Variants in APOL4 observed in about 807,000 individuals in gnomAD.
APOL4 encodes the protein apolipoprotein L4.
Under a neutral mutation model 12.1 loss-of-function variants are expected in APOL4, and 14 were observed. The observed-to-expected ratio is 1.16, with a 90% confidence interval of 0.76 to 1.81. The LOEUF is 1.81. Ranked by LOEUF, APOL4 falls within the 40% of genes most tolerant of loss-of-function variation. The pLI, the probability that APOL4 is intolerant of heterozygous loss-of-function variation, is 0.00. For synonymous variants in APOL4, 171 were observed against 160.6 expected, an observed-to-expected ratio of 1.06 and a Z score of -0.49; for missense variants, 432 against 423.1, an observed-to-expected ratio of 1.02 and a Z score of -0.18.
chr22:36,194,933 T>C (rs2014361176), intron 3 of APOL4, among the ~76,000 whole-genome samples: 1 of 152,246 alleles, frequency 6.6e-6, no homozygotes, highest in Non-Finnish European at 1.5e-5. Flanking sequence ...TTGTAAAAGG[T>C]AACGCTAACT....
At chr22:36,200,323 C>T (rs544012019) in intron 1 of APOL4, among the ~76,000 whole-genome samples, 6 of 152,326 alleles carry the variant, frequency 3.9e-5, no homozygotes, top group African/African-American at 1.4e-4. Flanking sequence ...CATGTATACA[C>T]GCTCATGGTA....
intron 3 of APOL4, among the ~76,000 whole-genome samples, chr22:36,192,996 C>A (rs1412531638): frequency 6.6e-6 from 1 of 152,318 alleles, no homozygotes; most frequent in Admixed American, 6.5e-5. Flanking sequence ...GCCTTCCATG[C>A]CCATCCCGTG....
intron 1 of APOL4, among the ~76,000 whole-genome samples, chr22:36,200,290 C>G (rs1294037666): frequency 6.6e-6 from 1 of 152,188 alleles, no homozygotes; most frequent in African/African-American, 2.4e-5. Context: ...GTGCTCTACT[C>G]CCTTAAATAT....
chr22:36,201,356 C>A (rs1359241390), intron 1 of APOL4, among the ~76,000 whole-genome samples: 1 of 150,476 alleles, frequency 6.6e-6, no homozygotes, highest in Non-Finnish European at 1.5e-5. Flanking sequence ...CTAAAGCCCC[C>A]TCCTCAAAAG....
chr22:36,195,342 T>C lies in APOL4; in HGVS notation c.178A>G (p.Lys60Glu), dbSNP rs1444582176. 40 of 1,613,800 alleles carry C rather than the reference T, an allele frequency of 2.5e-5. No individual in the cohort carries two copies. The highest frequency in any genetic ancestry group is 3.3e-5 in the Admixed American group (2 of 60,004). The change falls in exon 3 of 4, where the codon AAG becomes GAG. Residue 60 changes from lysine to glutamate, a missense_variant. Transcript: ENST00000683024. The stretch of plus-strand genomic sequence containing the variant: ...AATTCAGCCACACGCACAAATCTCT[T>C]CCAGGCTTCATCGCTAGTCAGCAGG... ...KILLTSDEAW[K>E]RFVRVAELPR...
chr22:36,195,613 C>T (rs1241665605), intron 2 of APOL4, among the ~76,000 whole-genome samples, 176 bp from the exon 3 acceptor site: 1 of 152,128 alleles, frequency 6.6e-6, no homozygotes, highest in African/African-American at 2.4e-5. Context: ...AATACTGAGG[C>T]TCTAAACCCC....
rs1056219233 is a variant in APOL4, at chr22:36,189,941, C to G, written c.*1134G>C. 4.8e-6 allele frequency: 1 copy of G among 206,972 alleles called. No homozygotes were observed. Among genetic ancestry groups the G allele is most frequent in the South Asian group, 9.5e-5 (1 of 10,544 alleles). 12.8% of individuals were successfully genotyped at this position (206,972 alleles called of 1,614,324 possible). A position where few individuals can be genotyped will look rare whatever the true frequency, so the allele number is the denominator to read the frequency against. On this transcript the variant is annotated 3_prime_UTR_variant, in exon 4 of 4. Transcript: ENST00000683024. Reference sequence around the variant, plus strand: ...AAAAAATGTCTGCGTTTTGTCCCGGCCTGTGTCTGGCTCACCTTCCCTGGT... The same window carrying G: ...AAAAAATGTCTGCGTTTTGTCCCGGGCTGTGTCTGGCTCACCTTCCCTGGT...
intron 2 of APOL4, chr22:36,197,584 C>CG: frequency 6.8e-7 from 1 of 1,471,920 alleles, no homozygotes; most frequent in Admixed American, 2.5e-5. Flanking sequence ...CAGCTGTAAC[C>CG]CCCCATGAAA....
upstream of APOL4, among the ~76,000 whole-genome samples, chr22:36,203,343 GA>G (rs767663093): frequency 1.3e-5 from 2 of 152,222 alleles, no homozygotes; most frequent in Non-Finnish European, 2.9e-5. Context: ...GTAGGTTAGT[GA>G]GGGATTTAGG....
intron 3 of APOL4, 125 bp downstream of exon 3, chr22:36,195,186 G>C (rs1205362110): frequency 8.0e-7 from 1 of 1,255,814 alleles, no homozygotes; most frequent in East Asian, 2.4e-5. Flanking sequence ...ACTGCTGAGA[G>C]GGACATCCTC....
At chr22:36,202,734 G>A (rs5995245), upstream of APOL4, among the ~76,000 whole-genome samples, 1,658 of 143,222 alleles carry the variant, frequency 0.012, 33 homozygotes, top group African/African-American at 0.039. Flanking sequence ...TCAGAAAAAA[G>A]AAAAAAAAAA....
chr22:36,192,835 A>G (rs2014300973), intron 3 of APOL4, among the ~76,000 whole-genome samples: 1 of 152,154 alleles, frequency 6.6e-6, no homozygotes, highest in Non-Finnish European at 1.5e-5. Context: ...GACCTTGGGG[A>G]AGGGCTGGAG....
chr22:36,193,603 G>T (rs1390993679), intron 3 of APOL4, among the ~76,000 whole-genome samples: 1 of 152,178 alleles, frequency 6.6e-6, no homozygotes, highest in South Asian at 2.1e-4. Context: ...CCTGAGGGGG[G>T]CTTAAGAAAG....
intron 3 of APOL4, 145 bp downstream of exon 3, chr22:36,195,166 T>G: frequency 9.4e-7 from 1 of 1,063,958 alleles, no homozygotes; most frequent in Non-Finnish European, 1.3e-6. Flanking sequence ...GGAGGAAATA[T>G]TCTTCCTGCA....
At chr22:36,202,085 T>G (rs1404555380), upstream of APOL4, 1 of 1,613,100 alleles carries the variant, frequency 6.2e-7, no homozygotes, top group Non-Finnish European at 8.5e-7. Flanking sequence ...GTTGAGACAG[T>G]GTGCTCCTCC....
At chr22:36,204,669 G>C, upstream of APOL4, 1 of 775,886 alleles carries the variant, frequency 1.3e-6, no homozygotes, top group Non-Finnish European at 1.9e-6. Flanking sequence ...AGATCCAGCT[G>C]GTCTGAGCTG....
chr22:36,202,459 G>A (rs1349026228), upstream of APOL4, among the ~76,000 whole-genome samples: 1 of 152,174 alleles, frequency 6.6e-6, no homozygotes, highest in Non-Finnish European at 1.5e-5. Context: ...CGGGAGCGGT[G>A]GCTCACGCCT....
chr22:36,194,959 G>A (rs903555646), intron 3 of APOL4: 27 of 167,342 alleles, frequency 1.6e-4, no homozygotes. Context: ...CCTACTGTGT[G>A]TCAGTCATTA....
At chr22:36,202,470 G>A (rs1291255439), upstream of APOL4, among the ~76,000 whole-genome samples, 1 of 152,200 alleles carries the variant, frequency 6.6e-6, no homozygotes, top group African/African-American at 2.4e-5. Context: ...GCTCACGCCT[G>A]TAATCCCAGC....
Sources: allele counts gnomAD v4.1 joint callset (sites outside exome capture counted in the v4.1 genomes callset), GRCh38; gene constraint gnomAD v4.1.1; transcripts MANE v1.5; gene names NCBI Gene and HGNC (gene_info 2026-07-23, HGNC 2026-07-21).